CCND3: variants seen among roughly 807,000 people sequenced by gnomAD.
CCND3 encodes G1/S-specific cyclin-D3.
In CCND3, 9 loss-of-function variants were observed where a neutral mutation model predicts 28.7. The ratio of observed to expected loss-of-function variants is 0.31; its 90% CI spans 0.19 to 0.55. The LOEUF (loss-of-function observed/expected upper bound fraction) is 0.55, where lower values mean the gene tolerates loss of function less well. Among genes scored for constraint, CCND3 ranks in the 20% least tolerant of loss-of-function variants. The pLI, the probability that CCND3 is intolerant of heterozygous loss-of-function variation, is 0.93. For synonymous variants in CCND3, 164 were observed against 163.9 expected, an observed-to-expected ratio of 1.00 and a Z score of 0.00; for missense variants, 315 against 385.8, an observed-to-expected ratio of 0.82 and a Z score of 1.54.
rs34822771 is a variant in CCND3, at chr6:42,034,468, C to CTTT, written c.-46+14030_-46+14032dup. Among the ~76,000 whole-genome samples, 73 of 51,000 alleles carry CTTT rather than the reference C, an allele frequency of 1.4e-3. 15 individuals are homozygous for CTTT. The highest frequency in any genetic ancestry group is 3.3e-3 in the African/African-American group (39 of 11,742). The allele number at this position is 51,000 out of a possible 152,430, so 33.5% of individuals were successfully genotyped here. On this transcript the variant is annotated intron_variant, in intron 1 of 4. Transcript: ENST00000372988. Reference sequence around the variant, plus strand: ...ACCGTGCCTGGCCAACCCTGTCACTCTTTTTTTTTTTTTTTTTTTTTTTTT... The same window carrying CTTT: ...ACCGTGCCTGGCCAACCCTGTCACTCTTTTTTTTTTTTTTTTTTTTTTTTTTTT...
At position 41,941,375 on chromosome 6, in the gene CCND3, C is replaced by T; in HGVS notation, c.198+77G>A. ...GCATCCTGCAGATTGCTGTGGGGACCGGGATGTCCCGACAGGGCGGCCCCG... is the reference window on the plus strand; with the variant it reads ...GCATCCTGCAGATTGCTGTGGGGACTGGGATGTCCCGACAGGGCGGCCCCG... On this transcript the variant is annotated intron_variant, in intron 1 of 4. Transcript: ENST00000372991. The surrounding 1 kb of genome is among the most constrained non-coding windows in gnomAD (Gnocchi z 6.1). 1 of 1,564,256 alleles carries T rather than the reference C, an allele frequency of 6.4e-7. No homozygotes were observed. The highest frequency in any genetic ancestry group is 1.4e-5 in the African/African-American group (1 of 72,596).
chr6:41,959,197 T>C (rs9394841), intron 1 of CCND3, among the ~76,000 whole-genome samples: 33,075 of 151,930 alleles, frequency 0.22, 3,748 homozygotes, highest in East Asian at 0.27. Context: ...ACCTGTAATC[T>C]CAGCTATTCG....
At chr6:42,000,858 C>A (rs1239134866) in intron 1 of CCND3, among the ~76,000 whole-genome samples, 1 of 151,890 alleles carries the variant, frequency 6.6e-6, no homozygotes, top group African/African-American at 2.4e-5. Flanking sequence ...TGCCACCACG[C>A]CTGGCCATGA....
rs1775821886 is a variant in CCND3 at position 41,936,971 on chromosome 6, G to GTTCT, written c.574+260_574+263dup. 1.7e-6 allele frequency: 1 copy of GTTCT among 595,186 alleles called. No homozygotes were observed. The highest frequency in any genetic ancestry group is 3.0e-6 in the Non-Finnish European group (1 of 336,774). The allele number at this position is 595,186 out of a possible 1,614,324, so 36.9% of individuals were successfully genotyped here. On this transcript the variant is annotated intron_variant, in intron 3 of 4. Transcript: ENST00000372991. The surrounding 1 kb of genome is among the most constrained non-coding windows in gnomAD (Gnocchi z 4.4). ...ACACAACTAGGGCCAAGAGACTGGGGTTCTGTTCCCAACCTGTTCACTGTG... is the reference window on the plus strand; with the variant it reads ...ACACAACTAGGGCCAAGAGACTGGGGTTCTTTCTGTTCCCAACCTGTTCACTGTG...
intron 1 of CCND3, among the ~76,000 whole-genome samples, chr6:41,966,311 G>A (rs954403969): frequency 1.3e-5 from 2 of 152,066 alleles, no homozygotes; most frequent in African/African-American, 4.8e-5. Flanking sequence ...TGTAGTCCCA[G>A]TTATAGGCTG....
intron 1 of CCND3, among the ~76,000 whole-genome samples, chr6:42,044,362 T>A (rs1450970375): frequency 6.6e-6 from 1 of 152,124 alleles, no homozygotes; most frequent in Admixed American, 6.5e-5. Context: ...CCCAATCCAG[T>A]CACCCCAAGG....
In CCND3 at chr6:41,950,155, C is replaced by T. The variant is rs1196987023; in HGVS notation, c.-45-9570G>A. Among the ~76,000 whole-genome samples, 3 of 151,328 alleles carry T rather than the reference C, an allele frequency of 2.0e-5. 1 individual carries two copies. Among genetic ancestry groups the T allele is most frequent in the African/African-American group, 7.3e-5 (3 of 41,192 alleles). On this transcript the variant is annotated intron_variant, in intron 1 of 4. Transcript: ENST00000372988. ...ATTTGCTTTTTCTTCCTTTTTCTGG[C>T]TGTCTGGGTTCTGAATAAATGAGGC... is the stretch of plus-strand genomic sequence containing the variant.
At chr6:42,002,853 C>G (rs1437834183) in intron 1 of CCND3, among the ~76,000 whole-genome samples, 6 of 149,332 alleles carry the variant, frequency 4.0e-5, no homozygotes, top group Non-Finnish European at 8.9e-5. Flanking sequence ...GACTCCATCT[C>G]AAAAACACAA....
At chr6:41,956,016 G>A (rs553758277) in intron 1 of CCND3, among the ~76,000 whole-genome samples, 6 of 152,110 alleles carry the variant, frequency 3.9e-5, no homozygotes, top group African/African-American at 1.2e-4. Context: ...ATGTAGGGCC[G>A]GGCGTGGTGG....
chr6:41,992,501 C>A (rs1450210185), intron 1 of CCND3, among the ~76,000 whole-genome samples: 3 of 122,290 alleles, frequency 2.5e-5, no homozygotes, highest in Non-Finnish European at 4.8e-5. Context: ...TTGCTCTGTG[C>A]CAGGCTGGAG....
intron 1 of CCND3, among the ~76,000 whole-genome samples, chr6:42,017,273 C>T (rs976870350): frequency 6.6e-6 from 1 of 152,194 alleles, no homozygotes; most frequent in Non-Finnish European, 1.5e-5. Flanking sequence ...AGTGGGAGCC[C>T]CTGGCACTTG....
chr6:42,025,924 G>C (rs1763862987), intron 1 of CCND3, among the ~76,000 whole-genome samples: 1 of 152,184 alleles, frequency 6.6e-6, no homozygotes, highest in Non-Finnish European at 1.5e-5. Context: ...GAGCGGATGA[G>C]TGAATTAATG....
chr6:42,029,797 A>G (rs2127436123), intron 1 of CCND3, among the ~76,000 whole-genome samples: 1 of 148,834 alleles, frequency 6.7e-6, no homozygotes, highest in African/African-American at 2.5e-5. Flanking sequence ...AGATCACAAC[A>G]TTGCACTCCA....
intron 1 of CCND3, among the ~76,000 whole-genome samples, chr6:42,027,780 T>A (rs1763923998): frequency 6.6e-6 from 1 of 151,930 alleles, no homozygotes; most frequent in African/African-American, 2.4e-5. Flanking sequence ...AGAGTTTTGC[T>A]CTTGTTGTCC....
intron 1 of CCND3, among the ~76,000 whole-genome samples, chr6:42,042,430 G>A (rs956454873): frequency 9.3e-5 from 14 of 151,126 alleles, no homozygotes; most frequent in Non-Finnish European, 1.6e-4. Context: ...GCGCGATCTC[G>A]GCTCACCACA....
intron 1 of CCND3, among the ~76,000 whole-genome samples, chr6:41,951,017 C>T (rs1289129803): frequency 6.6e-6 from 1 of 151,904 alleles, no homozygotes; most frequent in African/African-American, 2.4e-5. Context: ...CGAGAAGCCA[C>T]CCTTTTAAGC....
At chr6:41,978,150 G>A (rs917859589) in intron 1 of CCND3, among the ~76,000 whole-genome samples, 2 of 151,842 alleles carry the variant, frequency 1.3e-5, no homozygotes, top group Admixed American at 6.6e-5. Flanking sequence ...CGAGACGGGT[G>A]GATCACGAGG....
chr6:42,035,466 C>T (rs988174230), intron 1 of CCND3, among the ~76,000 whole-genome samples: 27 of 151,700 alleles, frequency 1.8e-4, no homozygotes, highest in African/African-American at 6.3e-4. Context: ...CTCCTGGGTT[C>T]ACGCCATTCT....
intron 1 of CCND3, among the ~76,000 whole-genome samples, chr6:41,986,588 G>T (rs896255114): frequency 2.5e-5 from 2 of 80,200 alleles, no homozygotes; most frequent in African/African-American, 9.7e-5. Context: ...TGTTGTTAGT[G>T]TATAGAAATG....
Sources: allele counts gnomAD v4.1 joint callset (sites outside exome capture counted in the v4.1 genomes callset), GRCh38; gene constraint gnomAD v4.1.1; non-coding constraint Gnocchi (gnomAD v3.1); transcripts MANE v1.5; gene names NCBI Gene and HGNC (gene_info 2026-07-23, HGNC 2026-07-21).